GCNT1: variants seen among roughly 807,000 people sequenced by gnomAD.
The protein encoded by GCNT1 is glucosaminyl (N-acetyl) transferase 1.
Under a neutral mutation model 26.2 loss-of-function variants are expected in GCNT1, and 16 were observed. That is an observed-to-expected ratio of 0.61 (90% CI 0.41 to 0.93). The LOEUF (loss-of-function observed/expected upper bound fraction) is 0.93. Ranked by LOEUF, GCNT1 falls within the 40% of genes least tolerant of loss-of-function variation. The pLI, the probability that GCNT1 is intolerant of heterozygous loss-of-function variation, is 0.00. For missense variants in GCNT1, 477 were observed against 526.7 expected, an observed-to-expected ratio of 0.91 and a Z score of 0.92; for synonymous variants, 183 against 190.8, an observed-to-expected ratio of 0.96 and a Z score of 0.34.
chr9:76,483,288 C>A (rs1824471906), intron 2 of GCNT1, among the ~76,000 whole-genome samples: 1 of 152,086 alleles, frequency 6.6e-6, no homozygotes, highest in South Asian at 2.1e-4. Flanking sequence ...CTGAAGTTAA[C>A]CATTTTCAAC....
At chr9:76,490,474 C>A (rs545571848) in intron 2 of GCNT1, among the ~76,000 whole-genome samples, 1 of 152,190 alleles carries the variant, frequency 6.6e-6, no homozygotes, top group Non-Finnish European at 1.5e-5. Flanking sequence ...TGGCCCTGTG[C>A]TGACAGACTT....
chr9:76,436,026 GCTCACTA>G (rs1295566454), intron 1 of GCNT1, among the ~76,000 whole-genome samples: 4 of 147,950 alleles, frequency 2.7e-5, no homozygotes, highest in Non-Finnish European at 4.4e-5. Flanking sequence ...CACGATCTCG[GCTCACTA>G]CAACCTCTGC....
rs532132124 is a variant in GCNT1, at chr9:76,447,151, CAAAAAAAAAAAAAAA to C, written c.-290+4851_-290+4865del. Among the ~76,000 whole-genome samples, 8 of 35,990 alleles carry C rather than the reference CAAAAAAAAAAAAAAA, an allele frequency of 2.2e-4. No homozygotes were observed. The East Asian group carries it at 4.2e-3, about 19-fold the overall frequency. 23.6% of individuals were successfully genotyped at this position (35,990 alleles called of 152,430 possible). ...TCCTGGGCAGAGTGAAACCCTGTGT[CAAAAAAAAAAAAAAA>C]AAAAAAAAAAAAAAGAACAGATATG... is the stretch of plus-strand genomic sequence containing the variant. On this transcript the variant is annotated intron_variant, in intron 1 of 2. Transcript: ENST00000442371.
At chr9:76,408,203 T>A in the GCNT1 span, among the ~76,000 whole-genome samples, 1 of 152,234 alleles carries the variant, frequency 6.6e-6, no homozygotes, top group Non-Finnish European at 1.5e-5. Flanking sequence ...ATCTTTGACC[T>A]GCTCCTGCTC....
intron 2 of GCNT1, among the ~76,000 whole-genome samples, chr9:76,484,319 A>G (rs1475051781): frequency 1.3e-5 from 2 of 151,986 alleles, no homozygotes; most frequent in African/African-American, 2.4e-5. Flanking sequence ...GCAGTGAGCC[A>G]AGATAATGAC....
rs528819675 is a variant in GCNT1 at position 76,497,990 on chromosome 9, A to T, written c.-289-2926A>T. Among the ~76,000 whole-genome samples the T allele has an allele frequency of 2.0e-5, 3 of 152,160 alleles. No individual in the cohort carries two copies. In the South Asian group the frequency reaches 6.2e-4, roughly 31 times the overall value. ...TTTGTACCTACCAGCATTCATTGCC[A>T]TTCCCCCATGTCCCCAGCCCCTGGC... On this transcript the variant is annotated intron_variant, in intron 2 of 3. Transcript: ENST00000376730.
chr9:76,457,537 CTG>C, upstream of GCNT1, among the ~76,000 whole-genome samples: 1 of 152,362 alleles, frequency 6.6e-6, no homozygotes, highest in South Asian at 2.1e-4. Flanking sequence ...GCATGAGCCA[CTG>C]TGCCCAGCCC....
chr9:76,458,305 C>T (rs1823793722), upstream of GCNT1, among the ~76,000 whole-genome samples: 2 of 150,976 alleles, frequency 1.3e-5, no homozygotes. Flanking sequence ...GACTCAGCCT[C>T]CCGAGTAGCT....
chr9:76,492,385 G>T (rs1194653789), intron 2 of GCNT1, among the ~76,000 whole-genome samples: 1 of 152,150 alleles, frequency 6.6e-6, no homozygotes, highest in East Asian at 1.9e-4. Flanking sequence ...AACTGAGGAG[G>T]TGGGAGAAAT....
intron 1 of GCNT1, among the ~76,000 whole-genome samples, chr9:76,432,031 C>A (rs764969539): frequency 1.4e-4 from 21 of 152,116 alleles, no homozygotes; most frequent in Non-Finnish European, 2.4e-4. Flanking sequence ...ATCGCTTAAA[C>A]CCGGGAGGCA....
At chr9:76,443,930 AAAGGAAGG>A (rs201262371) in intron 1 of GCNT1, among the ~76,000 whole-genome samples, 6,966 of 76,992 alleles carry the variant, frequency 0.09, 294 homozygotes, top group East Asian at 0.12. Context: ...AGAAAGGAAG[AAAGGAAGG>A]AAGGAAGGAA....
At chr9:76,408,186 A>T in the GCNT1 span, among the ~76,000 whole-genome samples, 3 of 152,202 alleles carry the variant, frequency 2.0e-5, 1 homozygote, top group South Asian at 6.2e-4. Flanking sequence ...GAGTGGTAAG[A>T]GGGGAAATCT....
intron 2 of GCNT1, among the ~76,000 whole-genome samples, chr9:76,471,030 T>C (rs1210088422): frequency 6.6e-6 from 1 of 152,212 alleles, no homozygotes; most frequent in African/African-American, 2.4e-5. Context: ...TCTACACATT[T>C]CTCACATCTG....
At chr9:76,425,989 C>T (rs1823253432) in intron 1 of GCNT1, among the ~76,000 whole-genome samples, 1 of 152,146 alleles carries the variant, frequency 6.6e-6, no homozygotes, top group Non-Finnish European at 1.5e-5. Flanking sequence ...ATTGCCTACC[C>T]AGGAGCAATT....
rs1230066296 is a variant in GCNT1 at position 76,481,002 on chromosome 9, G to A, written c.-289-19914G>A. ...GCCTGTAATCCCAGCACTTTGGGAG[G>A]CCAAGGTGGGAGGATTGCTTGAGGC... On this transcript the variant is annotated intron_variant, in intron 2 of 3. Transcript: ENST00000376730. Among the ~76,000 whole-genome samples the A allele has an allele frequency of 2.0e-5, 3 of 152,084 alleles. No individual in the cohort carries two copies. The South Asian group carries it at 6.2e-4, about 31-fold the overall frequency.
At chr9:76,493,704 A>AT (rs1475923878) in intron 2 of GCNT1, among the ~76,000 whole-genome samples, 1 of 152,154 alleles carries the variant, frequency 6.6e-6, no homozygotes, top group African/African-American at 2.4e-5. Context: ...AGGCTAGGAT[A>AT]TGGAGATAAG....
chr9:76,488,351 GTTA>G (rs1033617199), intron 2 of GCNT1, among the ~76,000 whole-genome samples: 6 of 152,014 alleles, frequency 3.9e-5, no homozygotes, highest in Non-Finnish European at 7.4e-5. Context: ...TGGAGCTCTT[GTTA>G]TTCGTATGGT....
intron 1 of GCNT1, among the ~76,000 whole-genome samples, chr9:76,432,117 G>GA (rs950197319): frequency 2.1e-4 from 31 of 151,158 alleles, no homozygotes; most frequent in African/African-American, 7.3e-4. Context: ...TCAAGAAAAG[G>GA]AAAAAAAAGG....
At chr9:76,418,910 G>A (rs1289556664), upstream of GCNT1, among the ~76,000 whole-genome samples, 9 of 152,148 alleles carry the variant, frequency 5.9e-5, no homozygotes, top group Admixed American at 5.9e-4. Flanking sequence ...GGGGATGGAA[G>A]GCAATTGTGT....
Sources: gnomAD v4.1 joint callset for allele counts (sites outside exome capture counted in the v4.1 genomes callset) on GRCh38, gnomAD v4.1.1 for gene constraint, MANE v1.5 for transcripts, NCBI Gene and HGNC (gene_info 2026-07-23, HGNC 2026-07-21) for gene names.